Variants in PLCB1 observed in about 807,000 individuals in gnomAD.
PLCB1 encodes the protein phospholipase C beta 1, also known as 1-phosphatidylinositol 4,5-bisphosphate phosphodiesterase beta-1.
Under a neutral mutation model 161.8 loss-of-function variants are expected in PLCB1, and 46 were observed. That is an observed-to-expected ratio of 0.28 (90% CI 0.22 to 0.36). The LOEUF (loss-of-function observed/expected upper bound fraction) is 0.36. PLCB1 is among the 10% of genes least tolerant of loss of function. The probability of loss-of-function intolerance (pLI) is 1.00; values close to 1 mark genes in which losing one functional copy is unlikely to be tolerated. For synonymous variants in PLCB1, 517 were observed against 503.7 expected, an observed-to-expected ratio of 1.03 and a Z score of -0.35; for missense variants, 1,016 against 1,472.5, an observed-to-expected ratio of 0.69 and a Z score of 5.07.
At chr20:8,417,073 ATTTTTTT>A (rs3031852) in intron 3 of PLCB1, among the ~76,000 whole-genome samples, 445 of 39,742 alleles carry the variant, frequency 0.011, 7 homozygotes, top group African/African-American at 0.033. Context: ...ATATATATAT[ATTTTTTT>A]TTTTTTTTTT....
rs573488910 is a variant in PLCB1 at position 8,211,114 on chromosome 20, A to T, written c.177+60743A>T. 1.6e-3 allele frequency among the ~76,000 whole-genome samples: 250 copies of T among 152,288 alleles called. 7 individuals carry two copies. The highest frequency in any genetic ancestry group is 0.013 in the Admixed American group (204 of 15,284). On this transcript the variant is annotated intron_variant, in intron 2 of 31. Transcript: ENST00000338037. ...AAAACCAAAGCACCTTTATATGCTT[A>T]TGGTGCCTTGGATGGAAGAAACTTA...
chr20:8,865,768 A>G (rs978822397), intron 31 of PLCB1, among the ~76,000 whole-genome samples: 1 of 152,188 alleles, frequency 6.6e-6, no homozygotes, highest in African/African-American at 2.4e-5. Context: ...AATTTTTCAA[A>G]TGGCTATGCC....
chr20:8,155,348 C>T (rs2051548127), intron 2 of PLCB1, among the ~76,000 whole-genome samples: 1 of 152,088 alleles, frequency 6.6e-6, no homozygotes, highest in South Asian at 2.1e-4. Context: ...CTTGTTCTGC[C>T]CTGTGAATTT....
chr20:8,197,900 T>C (rs530773320), intron 2 of PLCB1, among the ~76,000 whole-genome samples: 2,755 of 152,150 alleles, frequency 0.018, 101 homozygotes, highest in African/African-American at 0.063. Context: ...TTCCCAGCAC[T>C]ATTTGTTAAA....
At position 8,733,198 on chromosome 20, in the gene PLCB1, T is replaced by C. The variant is rs760317399; in HGVS notation, c.1889-40T>C. On this transcript the variant is annotated intron_variant, in intron 18 of 31. Coordinates refer to ENST00000338037, the MANE Select transcript of PLCB1 (RefSeq NM_015192.4). ...CAATCTTACTTTCTTACCCCAAGTA[T>C]AGATAAACTCACAATAAGGCTTGTG... 2.5e-6 allele frequency: 4 copies of C among 1,602,900 alleles called. No individual in the cohort carries two copies. In the Admixed American group the frequency reaches 5.0e-5, roughly 20 times the overall value.
chr20:8,362,199 A>G (rs753844811), intron 2 of PLCB1, among the ~76,000 whole-genome samples: 6 of 152,186 alleles, frequency 3.9e-5, no homozygotes, highest in Non-Finnish European at 5.9e-5. Context: ...AAGAGCCAAT[A>G]TATTTCTGAA....
intron 2 of PLCB1, among the ~76,000 whole-genome samples, chr20:8,242,968 A>G (rs1015571612): frequency 4.6e-5 from 7 of 151,928 alleles, no homozygotes; most frequent in African/African-American, 1.7e-4. Flanking sequence ...ATGAGATGAG[A>G]AGTGGGGAAT....
At chr20:8,374,370 G>A (rs768444655) in intron 3 of PLCB1, among the ~76,000 whole-genome samples, 5 of 152,196 alleles carry the variant, frequency 3.3e-5, no homozygotes, top group Non-Finnish European at 5.9e-5. Context: ...AAAACTGTGA[G>A]TCAGTTAAAC....
chr20:8,268,888 A>AC (rs34215583), intron 2 of PLCB1, among the ~76,000 whole-genome samples: 37,437 of 151,802 alleles, frequency 0.25, 4,740 homozygotes, highest in Non-Finnish European at 0.28. Flanking sequence ...CTTCACAGAT[A>AC]CAAAATGAGA....
At chr20:8,798,979 G>T (rs529366186) in intron 31 of PLCB1, among the ~76,000 whole-genome samples, 3 of 152,180 alleles carry the variant, frequency 2.0e-5, no homozygotes, top group Non-Finnish European at 4.4e-5. Context: ...CTAAGAAGAA[G>T]CTGTCCCTTA....
At chr20:8,748,675 A>T (rs1465744473) in intron 23 of PLCB1, among the ~76,000 whole-genome samples, 1 of 152,136 alleles carries the variant, frequency 6.6e-6, no homozygotes, top group African/African-American at 2.4e-5. Context: ...GGTGCAGGAA[A>T]TGGGGAGGTG....
chr20:8,144,865 C>T (rs897978990), intron 1 of PLCB1, among the ~76,000 whole-genome samples: 5 of 152,128 alleles, frequency 3.3e-5, no homozygotes, highest in African/African-American at 4.8e-5. Context: ...TTAGTTTAGA[C>T]GTGCATGCCT....
intron 2 of PLCB1, among the ~76,000 whole-genome samples, chr20:8,315,088 C>T (rs1984579158): frequency 6.6e-6 from 1 of 152,142 alleles, no homozygotes; most frequent in Non-Finnish European, 1.5e-5. Flanking sequence ...AAGCTGGGCT[C>T]ATGAGCTAGA....
At chr20:8,696,185 T>A (rs1463919961) in intron 10 of PLCB1, among the ~76,000 whole-genome samples, 1 of 152,248 alleles carries the variant, frequency 6.6e-6, no homozygotes, top group African/African-American at 2.4e-5. Context: ...CTCTATGGTA[T>A]GAGGTAAGGA....
At chr20:8,881,184 G>C (rs1987967828) in intron 31 of PLCB1, among the ~76,000 whole-genome samples, 1 of 151,924 alleles carries the variant, frequency 6.6e-6, no homozygotes, top group African/African-American at 2.4e-5. Context: ...TATTTTAGTA[G>C]AGATGGAGTT....
chr20:8,611,101 T>C (rs576547463), intron 3 of PLCB1, among the ~76,000 whole-genome samples: 30 of 152,172 alleles, frequency 2.0e-4, no homozygotes, highest in South Asian at 1.0e-3. Flanking sequence ...ATTTTACTTT[T>C]ATTTATTTTA....
chr20:8,324,657 A>G (rs145380123), intron 2 of PLCB1, among the ~76,000 whole-genome samples: 1 of 152,344 alleles, frequency 6.6e-6, no homozygotes, highest in African/African-American at 2.4e-5. Context: ...TATAGTTGAA[A>G]GAGAATAAGA....
intron 2 of PLCB1, among the ~76,000 whole-genome samples, chr20:8,189,114 A>G (rs1442345920): frequency 6.6e-6 from 1 of 151,884 alleles, no homozygotes; most frequent in Non-Finnish European, 1.5e-5. Context: ...GATTCCGCAT[A>G]TAAGTGAATC....
intron 23 of PLCB1, among the ~76,000 whole-genome samples, chr20:8,749,210 C>T (rs1981327539): frequency 6.6e-6 from 1 of 152,188 alleles, no homozygotes; most frequent in Non-Finnish European, 1.5e-5. Context: ...CTGGGGCGGA[C>T]TCAAGAATTT....
Sources: gnomAD v4.1 joint callset for allele counts (sites outside exome capture counted in the v4.1 genomes callset) on GRCh38, gnomAD v4.1.1 for gene constraint, MANE v1.5 for transcripts, NCBI Gene and HGNC (gene_info 2026-07-23, HGNC 2026-07-21) for gene names.